Variants in IFNAR1 observed in about 807,000 individuals in gnomAD.
IFNAR1 encodes the protein interferon alpha/beta receptor 1.
Under a neutral mutation model 62.1 loss-of-function variants are expected in IFNAR1, and 47 were observed. That is an observed-to-expected ratio of 0.76 (90% CI 0.60 to 0.97). The LOEUF is 0.97. Ranked by LOEUF, IFNAR1 falls within the 50% of genes least tolerant of loss-of-function variation. The pLI, the probability that IFNAR1 is intolerant of heterozygous loss-of-function variation, is 0.00. For synonymous variants in IFNAR1, 219 were observed against 226.9 expected (o/e 0.97, Z 0.31); for missense variants, 638 against 654.5 (o/e 0.97, Z 0.27).
intron 1 of IFNAR1, among the ~76,000 whole-genome samples, chr21:33,328,407 G>A (rs1379097013): frequency 6.6e-6 from 1 of 152,178 alleles, no homozygotes; most frequent in Non-Finnish European, 1.5e-5. Context: ...ATGGCCTGAA[G>A]TAGTTTTTCA....
In IFNAR1 at chr21:33,355,685, A is replaced by G. The variant is rs1568934454; in HGVS notation, c.*136A>G. 3.9e-6 allele frequency: 2 copies of G among 517,304 alleles called. No homozygotes were observed. Among genetic ancestry groups the G allele is most frequent in the Non-Finnish European group, 6.8e-6 (2 of 292,222 alleles). The allele number at this position is 517,304 out of a possible 1,614,324, so 32.0% of individuals were successfully genotyped here. On this transcript the variant is annotated 3_prime_UTR_variant, in exon 11 of 11. Coordinates refer to ENST00000270139, the MANE Select transcript of IFNAR1 (RefSeq NM_000629.3). ...GAAAGAAAAAACATCTTCAGATCAT[A>G]GGTCCTAAAAATACGGGCAAGCTCT...
intron 2 of IFNAR1, among the ~76,000 whole-genome samples, chr21:33,338,507 C>T (rs2083263827): frequency 7.7e-6 from 1 of 130,310 alleles, no homozygotes; most frequent in Non-Finnish European, 1.5e-5. Context: ...GCACTCCAGC[C>T]TGGGTGACAG....
intron 1 of IFNAR1, among the ~76,000 whole-genome samples, chr21:33,331,850 A>G (rs1384928570): frequency 1.3e-5 from 2 of 152,152 alleles, no homozygotes; most frequent in East Asian, 1.9e-4. Flanking sequence ...TAGTCAGGCC[A>G]GTGCTATGCC....
chr21:33,346,740 AG>A lies in IFNAR1; in HGVS notation c.788+1383del, dbSNP rs1187989864. On this transcript the variant is annotated intron_variant, in intron 6 of 10. Coordinates refer to ENST00000270139, the MANE Select transcript of IFNAR1 (RefSeq NM_000629.3). ...ACTAAAGAGTGGTATACAAATTATA[AG>A]GGTTGCAGAAATTGAAAATGTAAAG... Among the ~76,000 whole-genome samples, 4 of 152,366 alleles carry A rather than the reference AG, an allele frequency of 2.6e-5. 1 individual carries two copies. Among genetic ancestry groups the A allele is most frequent in the African/African-American group, 7.2e-5 (3 of 41,582 alleles).
chr21:33,325,238 A>G (rs916168784), intron 1 of IFNAR1, 107 bp downstream of exon 1: 23 of 971,856 alleles, frequency 2.4e-5, no homozygotes, highest in Non-Finnish European at 3.3e-5. Flanking sequence ...AGTCTGGGAA[A>G]CCTTCGGTCC....
At chr21:33,353,907 C>T (rs945694737) in intron 10 of IFNAR1, 124 bp downstream of exon 10, 7 of 636,128 alleles carry the variant, frequency 1.1e-5, no homozygotes, top group African/African-American at 9.6e-5. Flanking sequence ...ATTTGGGTAT[C>T]TTCTTCAAAG....
chr21:33,358,596 A>C lies in IFNAR1; in HGVS notation c.*3047A>C, dbSNP rs558672619. The C allele has an allele frequency of 5.9e-4, 90 of 152,210 alleles. No homozygotes were observed. Among genetic ancestry groups the C allele is most frequent in the Non-Finnish European group, 1.1e-3 (77 of 68,028 alleles). 9.4% of individuals were successfully genotyped at this position (152,210 alleles called of 1,614,324 possible). A position where few individuals can be genotyped will look rare whatever the true frequency, so the allele number is the denominator to read the frequency against. ...TCTTATTCCTTTAGTATGGACTTAA[A>C]GTACTTATTCATATACCTTGTAACT... is the stretch of plus-strand genomic sequence containing the variant. On this transcript the variant is annotated 3_prime_UTR_variant, in exon 11 of 11. Coordinates refer to ENST00000270139, the MANE Select transcript of IFNAR1 (RefSeq NM_000629.3).
At chr21:33,343,184 T>G in intron 3 of IFNAR1, 84 bp from the exon 4 acceptor site, 1 of 1,173,108 alleles carries the variant, frequency 8.5e-7, no homozygotes, top group Non-Finnish European at 1.2e-6. Flanking sequence ...AGGCACATAT[T>G]AAGTGCTCAG....
Position 33,355,372 on chromosome 21 carries a change from C to G in IFNAR1, c.1497C>G (p.Ile499Met). The G allele has an allele frequency of 6.2e-7, 1 of 1,601,650 alleles. No individual in the cohort carries two copies. The highest frequency in any genetic ancestry group is 8.5e-7 in the Non-Finnish European group (1 of 1,174,182). The part of the protein sequence containing the change: ...NLLLSTSEEQ[I>M]EKCFIIENIS... The stretch of plus-strand genomic sequence containing the variant: ...TGCTTTCAACTTCTGAGGAACAAAT[C>G]GAAAAATGTTTCATAATTGAAAATA... The change falls in exon 11 of 11, where the codon ATC (isoleucine) becomes ATG (methionine). Residue 499 changes from isoleucine to methionine, a missense_variant. By Grantham distance (10) the Ile-to-Met change is conservative (BLOSUM62 1). Coordinates refer to ENST00000270139, the MANE Select transcript of IFNAR1 (RefSeq NM_000629.3).
intron 3 of IFNAR1, among the ~76,000 whole-genome samples, chr21:33,342,863 A>T (rs2083307083): frequency 6.6e-6 from 1 of 152,150 alleles, no homozygotes; most frequent in Non-Finnish European, 1.5e-5. Flanking sequence ...TCTCAAAAAA[A>T]AAAAATAAAT....
At chr21:33,338,540 A>AAAC (rs1388072874) in intron 2 of IFNAR1, among the ~76,000 whole-genome samples, 1 of 149,938 alleles carries the variant, frequency 6.7e-6, no homozygotes, top group African/African-American at 2.5e-5. Flanking sequence ...TCAAAAAAAA[A>AAAC]AAAAAACCCA....
intron 2 of IFNAR1, among the ~76,000 whole-genome samples, chr21:33,338,577 A>G (rs982486086): frequency 4.7e-4 from 68 of 145,430 alleles, no homozygotes; most frequent in African/African-American, 1.8e-3. Context: ...TTTCATGCCA[A>G]ACACTCTTCT....
At chr21:33,349,321 A>G in intron 7 of IFNAR1, 31 bp downstream of exon 7, 1 of 1,571,312 alleles carries the variant, frequency 6.4e-7, no homozygotes, top group Non-Finnish European at 8.7e-7. Context: ...GGAGATTGTA[A>G]TTCTCTGGTG....
Position 33,355,394 on chromosome 21 carries a change from A to G in IFNAR1, c.1519A>G (p.Asn507Asp). ...EQIEKCFIIE[N>D]ISTIATVEET... ...AATCGAAAAATGTTTCATAATTGAA[A>G]ATATAAGCACAATTGCTACAGTAGA... Residue 507 changes from asparagine (N) to aspartate (D), a missense_variant, in exon 11 of 11, where the codon AAT becomes GAT. Coordinates refer to ENST00000270139, the MANE Select transcript of IFNAR1 (RefSeq NM_000629.3). 3.1e-6 allele frequency: 5 copies of G among 1,604,190 alleles called. No homozygotes were observed. The highest frequency in any genetic ancestry group is 4.3e-6 in the Non-Finnish European group (5 of 1,174,690).
chr21:33,355,472 C>A lies in IFNAR1; in HGVS notation c.1597C>A (p.Gln533Lys), dbSNP rs746832248. The change falls in exon 11 of 11, where the codon CAA (glutamine) becomes AAA (lysine). Residue 533 changes from glutamine to lysine, a missense_variant. Physicochemically the swap from Gln to Lys is moderately conservative, Grantham distance 53. Transcript: ENST00000270139. ...TAAAAAATACAGTTCCCAAACTAGC[C>A]AAGATTCAGGAAATTATTCTAATGA... ...DHKKYSSQTS[Q>K]DSGNYSNEDE... 1.1e-5 allele frequency: 17 copies of A among 1,607,558 alleles called. No homozygotes were observed. The South Asian group carries it at 1.9e-4, about 18-fold the overall frequency.
chr21:33,330,123 A>C lies in IFNAR1; in HGVS notation c.76+4992A>C, dbSNP rs1430276398. Among the ~76,000 whole-genome samples the C allele has an allele frequency of 3.3e-5, 5 of 152,204 alleles. No homozygotes were observed. In the South Asian group the frequency reaches 6.2e-4, roughly 19 times the overall value. Reference sequence around the variant, plus strand: ...CTCAACCCTTAGCAGACAGCTGTGCACGTTATTAGAGCAATCTGCACACAA... The same window carrying C: ...CTCAACCCTTAGCAGACAGCTGTGCCCGTTATTAGAGCAATCTGCACACAA... On this transcript the variant is annotated intron_variant, in intron 1 of 10. Transcript: ENST00000270139.
rs1483210296 is a variant in IFNAR1, at chr21:33,324,974, TGACTTAG to T, written c.-78_-72del. The T allele has an allele frequency of 7.8e-7, 1 of 1,290,056 alleles. No individual in the cohort carries two copies. The highest frequency in any genetic ancestry group is 1.5e-5 in the African/African-American group (1 of 67,746). 79.9% of individuals were successfully genotyped at this position (1,290,056 alleles called of 1,614,324 possible). A position where few individuals can be genotyped will look rare whatever the true frequency, so the allele number is the denominator to read the frequency against. On this transcript the variant is annotated 5_prime_UTR_variant, in exon 1 of 11. Coordinates refer to ENST00000270139, the MANE Select transcript of IFNAR1 (RefSeq NM_000629.3). ...GCAGCGCGTGTGCAGAGGGGCGGTGTGACTTAGGACGGGGCGATGGCGGCTGAGAGGA... is the reference window on the plus strand; with the variant it reads ...GCAGCGCGTGTGCAGAGGGGCGGTGTGACGGGGCGATGGCGGCTGAGAGGA...
At chr21:33,349,894 G>C (rs1229969447) in intron 8 of IFNAR1, among the ~76,000 whole-genome samples, 1 of 151,866 alleles carries the variant, frequency 6.6e-6, no homozygotes, top group African/African-American at 2.4e-5. Flanking sequence ...CTCCAGCCTG[G>C]GTGACAGAGT....
Position 33,349,267 on chromosome 21 carries a change from T to G in IFNAR1, c.965T>G (p.Ile322Arg), listed in dbSNP as rs1286308481. The change falls in exon 7 of 11, where the codon ATA becomes AGA. Residue 322 changes from isoleucine to arginine, a missense_variant. Ile to Arg is a moderately conservative substitution (Grantham distance 97). Coordinates refer to ENST00000270139, the MANE Select transcript of IFNAR1 (RefSeq NM_000629.3). ...AACACATCTTTTTGGTCTGAAGAGA[T>G]AAAGTTTGATACTGAAATACAAGGT... ...GNNTSFWSEEIKFDTEIQAFL... is the reference protein window; with the variant it reads ...GNNTSFWSEERKFDTEIQAFL... 4.4e-6 allele frequency: 7 copies of G among 1,607,080 alleles called. No homozygotes were observed. Among genetic ancestry groups the G allele is most frequent in the African/African-American group, 2.7e-5 (2 of 74,808 alleles).
Sources: allele counts gnomAD v4.1 joint callset (sites outside exome capture counted in the v4.1 genomes callset), GRCh38; gene constraint gnomAD v4.1.1; transcripts MANE v1.5; gene names NCBI Gene and HGNC (gene_info 2026-07-23, HGNC 2026-07-21).